The following FIBCD1 variants were observed in gnomAD, a reference collection of about 807,000 sequenced individuals.
The protein encoded by FIBCD1 is fibrinogen C domain containing 1, also known as fibrinogen C domain-containing protein 1.
Under a neutral mutation model 45.1 loss-of-function variants are expected in FIBCD1, and 47 were observed. That is an observed-to-expected ratio of 1.04 (90% CI 0.82 to 1.33). The LOEUF is 1.33. FIBCD1 is among the 40% of genes most tolerant of loss of function. The pLI, the probability that FIBCD1 is intolerant of heterozygous loss-of-function variation, is 0.00. For missense variants in FIBCD1, 653 were observed against 682.2 expected (o/e 0.96, Z 0.48); for synonymous variants, 313 against 308.1 (o/e 1.02, Z -0.17).
In FIBCD1 at chr9:130,922,355, ACTT is replaced by A. The variant is rs1331785399; in HGVS notation, c.849+1386_849+1388del. On this transcript the variant is annotated intron_variant, in intron 4 of 6. Transcript: ENST00000372338. This position sits in a 1 kb window ranked among gnomAD's most constrained non-coding sequence, Gnocchi z 4.5. ...CGGCCTCCCAGTCTCTCTCCAGCAC[ACTT>A]CTTCTCAGCTGAGCCCCCCACTTTC... is the stretch of plus-strand genomic sequence containing the variant. 2.6e-5 allele frequency among the ~76,000 whole-genome samples: 4 copies of A among 151,972 alleles called. No individual in the cohort carries two copies. Among genetic ancestry groups the A allele is most frequent in the East Asian group, 1.9e-4 (1 of 5,160 alleles).
intron 4 of FIBCD1, among the ~76,000 whole-genome samples, chr9:130,915,836 AGACT>A (rs1188341097): frequency 5.9e-5 from 9 of 152,392 alleles, no homozygotes; most frequent in East Asian, 1.9e-4. Context: ...AGTGACCTGC[AGACT>A]GACCATGTCC....
chr9:130,933,908 C>G (rs910441377), intron 1 of FIBCD1: 1 of 152,540 alleles, frequency 6.6e-6, no homozygotes, highest in South Asian at 2.1e-4. Flanking sequence ...GAGGCCAGGC[C>G]AGGTTAGACC....
At chr9:130,909,955 G>T (rs1832006741) in intron 5 of FIBCD1, among the ~76,000 whole-genome samples, 1 of 152,234 alleles carries the variant, frequency 6.6e-6, no homozygotes, top group Non-Finnish European at 1.5e-5. Flanking sequence ...GTGACAGCGT[G>T]CTGGCAGTCC....
rs1295011762 is a variant in FIBCD1 at position 130,930,781 on chromosome 9, G to C, written c.73-735C>G. 1.8e-5 allele frequency: 8 copies of C among 456,052 alleles called. 1 individual carries two copies. The highest frequency in any genetic ancestry group is 1.4e-4 in the Admixed American group (6 of 42,554). The allele number at this position is 456,052 out of a possible 1,614,324, so 28.3% of individuals were successfully genotyped here. A position where few individuals can be genotyped will look rare whatever the true frequency, so the allele number is the denominator to read the frequency against. On this transcript the variant is annotated intron_variant, in intron 1 of 6. Coordinates refer to ENST00000372338, the MANE Select transcript of FIBCD1 (RefSeq NM_032843.5). ...TGGGCCAGGGGCCTCACCTCTCTGA[G>C]CCTCAGTTTCCTCGCCTGTAAAACA...
At chr9:130,932,017 C>T in intron 1 of FIBCD1, among the ~76,000 whole-genome samples, 1 of 152,328 alleles carries the variant, frequency 6.6e-6, no homozygotes, top group African/African-American at 2.4e-5. Context: ...CATTTTTTTC[C>T]ACCCAAAGTG....
At chr9:130,916,232 G>A (rs371458400) in intron 4 of FIBCD1, among the ~76,000 whole-genome samples, 13 of 152,300 alleles carry the variant, frequency 8.5e-5, no homozygotes, top group African/African-American at 3.1e-4. Flanking sequence ...CCCAGCCTTA[G>A]TGCACTGATA....
intron 5 of FIBCD1, among the ~76,000 whole-genome samples, chr9:130,909,647 T>C (rs1231304088): frequency 6.6e-6 from 1 of 152,058 alleles, no homozygotes; most frequent in East Asian, 1.9e-4. Flanking sequence ...CAAATATATA[T>C]AGGTAGATAG....
At chr9:130,933,116 TC>T (rs1832466377) in intron 1 of FIBCD1, among the ~76,000 whole-genome samples, 1 of 151,988 alleles carries the variant, frequency 6.6e-6, no homozygotes, top group Non-Finnish European at 1.5e-5. Flanking sequence ...CCGCAGGGGG[TC>T]CCCTAGAGGC....
Position 130,929,625 on chromosome 9 carries a change from T to C in FIBCD1, c.494A>G (p.His165Arg). ...GCTGAGGCCCTGGCCCAGCGTGCCA[T>C]GCCCCTTCCGCAGCCCCATGCACTC... ...QTECMGLRKGHGTLGQGLSAL... is the reference protein window; with the variant it reads ...QTECMGLRKGRGTLGQGLSAL... The change falls in exon 2 of 7, where the codon CAT (histidine) becomes CGT (arginine). Residue 165 changes from histidine (H) to arginine (R), a missense_variant. Transcript: ENST00000372338. 1 of 1,548,324 alleles carries C rather than the reference T, an allele frequency of 6.5e-7. No individual in the cohort carries two copies. The highest frequency in any genetic ancestry group is 8.7e-7 in the Non-Finnish European group (1 of 1,150,394).
rs748498796 is a variant in FIBCD1, at chr9:130,929,929, G to C, written c.190C>G (p.Pro64Ala). ...LNHAHAPGTA[P>A]PPVVSTGAAS... ...GCCCCAGTGCTGACGACAGGTGGGGGCGCCGTGCCCGGCGCGTGGGCGTGG... is the reference window on the plus strand; with the variant it reads ...GCCCCAGTGCTGACGACAGGTGGGGCCGCCGTGCCCGGCGCGTGGGCGTGG... Residue 64 changes from proline to alanine, a missense_variant, in exon 2 of 7, where the codon CCC (proline) becomes GCC (alanine). Coordinates refer to ENST00000372338, the MANE Select transcript of FIBCD1 (RefSeq NM_032843.5). 9 of 1,549,104 alleles carry C rather than the reference G, an allele frequency of 5.8e-6. 1 individual carries two copies. Among genetic ancestry groups the C allele is most frequent in the Non-Finnish European group, 7.9e-6 (9 of 1,146,328 alleles).
At chr9:130,919,997 C>CCAGG (rs765093006) in intron 4 of FIBCD1, among the ~76,000 whole-genome samples, 48 of 152,220 alleles carry the variant, frequency 3.2e-4, no homozygotes, top group Non-Finnish European at 5.4e-4. Context: ...GGCGGGGAGC[C>CCAGG]CAGGCACTGA....
chr9:130,925,654 T>C (rs2133109926), intron 2 of FIBCD1, among the ~76,000 whole-genome samples: 1 of 152,268 alleles, frequency 6.6e-6, no homozygotes, highest in East Asian at 1.9e-4. Context: ...GGGTTGGAGC[T>C]TGGCAAGCGC....
At chr9:130,904,827 C>A (rs1178676807) in intron 6 of FIBCD1, among the ~76,000 whole-genome samples, 2 of 152,212 alleles carry the variant, frequency 1.3e-5, no homozygotes, top group Non-Finnish European at 2.9e-5. Flanking sequence ...AGGAGGCAAG[C>A]AGCCTTGACC....
chr9:130,934,582 G>T (rs868507155), intron 1 of FIBCD1, among the ~76,000 whole-genome samples: 1 of 152,300 alleles, frequency 6.6e-6, no homozygotes, highest in South Asian at 2.1e-4. Flanking sequence ...GAACCACGGA[G>T]GGGGCTTCTC....
intron 1 of FIBCD1, among the ~76,000 whole-genome samples, chr9:130,930,414 GCGGGGAGACA>G (rs936813013): frequency 5.3e-5 from 5 of 93,494 alleles, no homozygotes; most frequent in Non-Finnish European, 8.3e-5. Flanking sequence ...GCGGGGAGAC[GCGGGGAGACA>G]CGGGGAGACA....
intron 1 of FIBCD1, among the ~76,000 whole-genome samples, chr9:130,934,872 G>C (rs1186563991): frequency 6.6e-6 from 1 of 152,170 alleles, no homozygotes; most frequent in African/African-American, 2.4e-5. Context: ...CAGCTAAACA[G>C]TGAGCTCAGA....
intron 4 of FIBCD1, among the ~76,000 whole-genome samples, chr9:130,919,284 ATG>A (rs954472307): frequency 3.3e-5 from 5 of 152,154 alleles, no homozygotes; most frequent in African/African-American, 1.2e-4. Flanking sequence ...GCCATTATGA[ATG>A]TGTGTGTGCT....
chr9:130,926,585 CA>C lies in FIBCD1; in HGVS notation c.553-2190del, dbSNP rs953808065. 1.3e-5 allele frequency among the ~76,000 whole-genome samples: 2 copies of C among 152,030 alleles called. No homozygotes were observed. The highest frequency in any genetic ancestry group is 2.9e-5 in the Non-Finnish European group (2 of 68,002). ...CTGTAATCCCAGCACTTTGGGAGGCCAAGTTGGGTGGATCACCTAAGGTCAG... is the reference window on the plus strand; with the variant it reads ...CTGTAATCCCAGCACTTTGGGAGGCCAGTTGGGTGGATCACCTAAGGTCAG... On this transcript the variant is annotated intron_variant, in intron 2 of 6. Transcript: ENST00000372338. This position sits in a 1 kb window ranked among gnomAD's most constrained non-coding sequence, Gnocchi z 4.1.
intron 1 of FIBCD1, among the ~76,000 whole-genome samples, chr9:130,935,917 A>G (rs1318264118): frequency 6.6e-6 from 1 of 152,200 alleles, no homozygotes; most frequent in African/African-American, 2.4e-5. Flanking sequence ...TTATGCTCCC[A>G]GAGGAAAATC....
Sources: allele counts gnomAD v4.1 joint callset (sites outside exome capture counted in the v4.1 genomes callset), GRCh38; gene constraint gnomAD v4.1.1; non-coding constraint Gnocchi (gnomAD v3.1); transcripts MANE v1.5; gene names NCBI Gene and HGNC (gene_info 2026-07-23, HGNC 2026-07-21).